Variants in PDZK1 observed in about 807,000 individuals in gnomAD.
PDZK1 encodes Na(+)/H(+) exchange regulatory cofactor NHE-RF3.
Under a neutral mutation model 38.1 loss-of-function variants are expected in PDZK1, and 23 were observed. The observed-to-expected ratio is 0.60, with a 90% CI of 0.43 to 0.85. The LOEUF (loss-of-function observed/expected upper bound fraction) is 0.85. PDZK1 is among the 40% of genes least tolerant of loss of function. The probability of loss-of-function intolerance (pLI) is 0.00; values close to 1 mark genes in which losing one functional copy is unlikely to be tolerated. For synonymous variants in PDZK1, 98 were observed against 186.2 expected (o/e 0.53, Z 3.86); for missense variants, 297 against 504.3 (o/e 0.59, Z 3.94).
intron 3 of PDZK1, among the ~76,000 whole-genome samples, chr1:145,682,895 A>G (rs1370905913): frequency 2.0e-5 from 3 of 152,106 alleles, no homozygotes; most frequent in Admixed American, 6.5e-5. Context: ...CCCTTTCCCT[A>G]TGGTATATCA....
At chr1:145,686,431 T>C (rs781998942) in intron 3 of PDZK1, 46 bp downstream of exon 3, 5 of 1,521,580 alleles carry the variant, frequency 3.3e-6, no homozygotes, top group Non-Finnish European at 4.4e-6. Flanking sequence ...AAGCCTGTTG[T>C]CTGTGCCCTG....
At position 145,687,066 on chromosome 1, in the gene PDZK1, T is replaced by C. The variant is rs913800169; in HGVS notation, c.211-340A>G. Among the ~76,000 whole-genome samples the C allele has an allele frequency of 7.2e-5, 11 of 152,096 alleles. No homozygotes were observed. In the South Asian group the frequency reaches 8.3e-4, roughly 11 times the overall value. On this transcript the variant is annotated intron_variant, in intron 2 of 8. Transcript: ENST00000417171. Reference sequence around the variant, plus strand: ...ACAGCACAGTGTAAGGAAAAGACCATGCTTTTGGAGTCAGGCAGAATAAGG... The same window carrying C: ...ACAGCACAGTGTAAGGAAAAGACCACGCTTTTGGAGTCAGGCAGAATAAGG...
At chr1:145,672,162 GAATAATAT>G (rs2101861201) in intron 8 of PDZK1, among the ~76,000 whole-genome samples, 1 of 152,244 alleles carries the variant, frequency 6.6e-6, no homozygotes, top group Admixed American at 6.5e-5. Context: ...AATATATAGA[GAATAATAT>G]AGAGAATGCT....
intron 1 of PDZK1, among the ~76,000 whole-genome samples, chr1:145,706,083 G>A (rs587689979): frequency 5.3e-5 from 8 of 152,238 alleles, no homozygotes; most frequent in African/African-American, 1.4e-4. Flanking sequence ...TTTATTTTCA[G>A]TACACTCTTG....
chr1:145,701,788 C>T (rs587665109), intron 1 of PDZK1, among the ~76,000 whole-genome samples: 14 of 152,274 alleles, frequency 9.2e-5, no homozygotes, highest in African/African-American at 3.1e-4. Context: ...ACAGATGTCT[C>T]TAGCAAGGAA....
intron 1 of PDZK1, among the ~76,000 whole-genome samples, chr1:145,693,231 T>C (rs1655382985): frequency 6.6e-6 from 1 of 152,090 alleles, no homozygotes; most frequent in South Asian, 2.1e-4. Flanking sequence ...AGAATTTAGT[T>C]GAAATTGTGT....
chr1:145,698,386 C>G (rs1655758116), intron 1 of PDZK1, among the ~76,000 whole-genome samples: 1 of 151,908 alleles, frequency 6.6e-6, no homozygotes, highest in Admixed American at 6.6e-5. Context: ...CTATGTAAAC[C>G]AAAAGAGAAT....
intron 7 of PDZK1, 126 bp from the exon 8 acceptor site, chr1:145,673,146 G>A (rs1653263966): frequency 3.1e-6 from 2 of 653,424 alleles, no homozygotes; most frequent in South Asian, 3.8e-5. Flanking sequence ...TCTCCTTGAG[G>A]TATAGAAGTT....
In PDZK1 at chr1:145,702,892, C is replaced by CA. The variant is rs797040996; in HGVS notation, c.-3+4424dup. Among the ~76,000 whole-genome samples the CA allele has an allele frequency of 1.7e-4, 25 of 150,954 alleles. 1 individual carries two copies. The highest frequency in any genetic ancestry group is 4.4e-4 in the African/African-American group (18 of 41,182). ...TGGGCAACAGAGCAAGACTCCGTCT[C>CA]AAAAAAAAAGAAGTTCAAGCTTCTT... On this transcript the variant is annotated intron_variant, in intron 1 of 8. Coordinates refer to ENST00000417171, the MANE Select transcript of PDZK1 (RefSeq NM_001201325.2).
At chr1:145,694,873 G>A (rs1553703876) in intron 1 of PDZK1, among the ~76,000 whole-genome samples, 1 of 140,016 alleles carries the variant, frequency 7.1e-6, no homozygotes, top group Non-Finnish European at 1.5e-5. Flanking sequence ...CTCCAGCCTG[G>A]GGACAGAGCA....
chr1:145,707,074 T>C (rs1490339372), intron 1 of PDZK1, among the ~76,000 whole-genome samples: 1 of 152,026 alleles, frequency 6.6e-6, no homozygotes, highest in Non-Finnish European at 1.5e-5. Context: ...TACCAATTTC[T>C]TTGTGAAGCA....
intron 1 of PDZK1, among the ~76,000 whole-genome samples, chr1:145,692,542 C>G (rs1655300910): frequency 6.6e-6 from 1 of 151,780 alleles, no homozygotes; most frequent in African/African-American, 2.4e-5. Context: ...GAAACCCCGT[C>G]TCTACTAAAA....
In PDZK1 at chr1:145,686,470, T is replaced by A. The variant is rs782690080; in HGVS notation, c.460+7A>T. The A allele has an allele frequency of 2.5e-6, 4 of 1,611,640 alleles. No individual in the cohort carries two copies. In the South Asian group the frequency reaches 3.3e-5, roughly 13 times the overall value. ...CTGCCTCCCCCTGCTCCCCAAAAAA[T>A]TCTCACCTTGGACAGTTTTCAGAGA... On this transcript the variant is annotated splice_region_variant and intron_variant, in intron 3 of 8. Coordinates refer to ENST00000417171, the MANE Select transcript of PDZK1 (RefSeq NM_001201325.2).
chr1:145,679,437 T>C (rs1654024053), intron 5 of PDZK1, among the ~76,000 whole-genome samples: 1 of 152,126 alleles, frequency 6.6e-6, no homozygotes, highest in South Asian at 2.1e-4. Flanking sequence ...CATAATACCT[T>C]ACACATCCCA....
chr1:145,686,158 C>A (rs781987047), intron 3 of PDZK1, among the ~76,000 whole-genome samples: 2 of 152,164 alleles, frequency 1.3e-5, no homozygotes, highest in Non-Finnish European at 2.9e-5. Context: ...CCTAAGAGGG[C>A]TAGAAGCATC....
At chr1:145,703,272 G>A (rs1450553733) in intron 1 of PDZK1, among the ~76,000 whole-genome samples, 2 of 152,166 alleles carry the variant, frequency 1.3e-5, no homozygotes, top group African/African-American at 2.4e-5. Flanking sequence ...AATAGCTACC[G>A]TCCTGCCCTG....
At chr1:145,683,983 A>G (rs1210159410) in intron 3 of PDZK1, among the ~76,000 whole-genome samples, 3 of 151,738 alleles carry the variant, frequency 2.0e-5, no homozygotes, top group African/African-American at 7.3e-5. Flanking sequence ...AGTAGCTGGG[A>G]CTACAGGCGC....
At chr1:145,707,060 G>A (rs988791437) in intron 1 of PDZK1, among the ~76,000 whole-genome samples, 7 of 151,884 alleles carry the variant, frequency 4.6e-5, no homozygotes, top group Non-Finnish European at 8.8e-5. Context: ...TTCTGAGGTC[G>A]GTTTACCAAT....
At chr1:145,702,869 G>C (rs1466054854) in intron 1 of PDZK1, among the ~76,000 whole-genome samples, 1 of 152,140 alleles carries the variant, frequency 6.6e-6, no homozygotes, top group Non-Finnish European at 1.5e-5. Flanking sequence ...CCCCAGCCTG[G>C]GCAACAGAGC....
Sources: allele counts gnomAD v4.1 joint callset (sites outside exome capture counted in the v4.1 genomes callset), GRCh38; gene constraint gnomAD v4.1.1; transcripts MANE v1.5; gene names NCBI Gene and HGNC (gene_info 2026-07-23, HGNC 2026-07-21).